EIF2AK2: variants seen among roughly 807,000 people sequenced by gnomAD.
EIF2AK2 encodes the protein eukaryotic translation initiation factor 2 alpha kinase 2.
In EIF2AK2, 40 loss-of-function variants were observed where a neutral mutation model predicts 70.5. That is an observed-to-expected ratio of 0.57 (90% CI 0.44 to 0.74). EIF2AK2 has a LOEUF of 0.74. Ranked by LOEUF, EIF2AK2 falls within the 30% of genes least tolerant of loss-of-function variation. The pLI is 0.00. For synonymous variants in EIF2AK2, 198 were observed against 220.9 expected (o/e 0.90, Z 0.92); for missense variants, 555 against 644.3 (o/e 0.86, Z 1.50).
intron 1 of EIF2AK2, among the ~76,000 whole-genome samples, chr2:37,149,565 A>AC (rs1675671845): frequency 9.5e-6 from 1 of 105,342 alleles, no homozygotes; most frequent in Non-Finnish European, 2.1e-5. Context: ...CACGGTTCCC[A>AC]TGGCACAAAT....
intron 4 of EIF2AK2, among the ~76,000 whole-genome samples, chr2:37,143,408 T>A (rs1000143525): frequency 1.3e-5 from 2 of 152,182 alleles, no homozygotes; most frequent in African/African-American, 4.8e-5. Flanking sequence ...ACCAGTCACA[T>A]GTATATTGGT....
chr2:37,127,068 A>G (rs1674766914), intron 10 of EIF2AK2, among the ~76,000 whole-genome samples: 2 of 150,886 alleles, frequency 1.3e-5, no homozygotes, highest in South Asian at 4.2e-4. Flanking sequence ...CTCCACAGCT[A>G]CTATCATCAA....
chr2:37,119,460 G>A (rs1313265277), intron 13 of EIF2AK2, among the ~76,000 whole-genome samples: 1 of 152,132 alleles, frequency 6.6e-6, no homozygotes, highest in Non-Finnish European at 1.5e-5. Flanking sequence ...GGGCAGAGCA[G>A]CCAGTTGGCT....
intron 10 of EIF2AK2, among the ~76,000 whole-genome samples, chr2:37,129,203 A>G (rs1233704057): frequency 6.6e-6 from 1 of 151,974 alleles, no homozygotes; most frequent in African/African-American, 2.4e-5. Context: ...AAAATACCAG[A>G]TGCTTGCCTC....
In EIF2AK2 at chr2:37,105,682, T is replaced by G. The variant is rs917549670; in HGVS notation, c.*1591A>C. 1 of 152,158 alleles carries G rather than the reference T, an allele frequency of 6.6e-6. No individual in the cohort carries two copies. Among genetic ancestry groups the G allele is most frequent in the Non-Finnish European group, 1.5e-5 (1 of 68,050 alleles). 9.4% of individuals were successfully genotyped at this position (152,158 alleles called of 1,614,324 possible). The stretch of plus-strand genomic sequence containing the variant: ...CCTAAGTTGAAATTCACCCTCAGGG[T>G]CGTCTTCTAAGATGCAATTTAAATT... On this transcript the variant is annotated 3_prime_UTR_variant, in exon 17 of 17. Coordinates refer to ENST00000233057, the MANE Select transcript of EIF2AK2 (RefSeq NM_001135651.3).
Position 37,138,657 on chromosome 2 carries a change from G to A in EIF2AK2, c.517-72C>T, listed in dbSNP as rs184148895. ...TTCTCTACAGAGGCTCAGTTTCTAT[G>A]TACTATCACATTTATTTCAACACAT... On this transcript the variant is annotated intron_variant, in intron 6 of 16. Transcript: ENST00000233057. The A allele has an allele frequency of 8.4e-5, 106 of 1,266,652 alleles. No individual in the cohort carries two copies. In the Admixed American group the frequency reaches 2.0e-3, roughly 23 times the overall value. 78.5% of individuals were successfully genotyped at this position (1,266,652 alleles called of 1,614,324 possible).
rs566725262 is a variant in EIF2AK2, at chr2:37,139,654, T to C, written c.493A>G (p.Ile165Val). The change falls in exon 6 of 17, where the codon ATA becomes GTA. Residue 165 changes from isoleucine (I) to valine (V), a missense_variant. Ile to Val is a conservative substitution (Grantham distance 29, BLOSUM62 3). Coordinates refer to ENST00000233057, the MANE Select transcript of EIF2AK2 (RefSeq NM_001135651.3). ...QLAAKLAYLQ[I>V]LSEETSVKSD... The stretch of plus-strand genomic sequence containing the variant: ...ACCACTGAGGTTTCTTCTGATAATA[T>C]CTGAAGATATGCAAGTTTAGCGGCC... 6.2e-7 allele frequency: 1 copy of C among 1,614,062 alleles called. No homozygotes were observed. The highest frequency in any genetic ancestry group is 1.1e-5 in the South Asian group (1 of 91,054).
rs77538939 is a variant in EIF2AK2 at position 37,129,778 on chromosome 2, T to C, written c.786-3367A>G. Among the ~76,000 whole-genome samples, 41 of 152,284 alleles carry C rather than the reference T, an allele frequency of 2.7e-4. 1 individual carries two copies. In the East Asian group the frequency reaches 5.4e-3, roughly 20 times the overall value. ...TGGTCATTCCTCATTCCCCCACTCC[T>C]TTACTAGGAAGGGACATCCTACACA... On this transcript the variant is annotated intron_variant, in intron 10 of 16. Transcript: ENST00000233057.
chr2:37,128,835 G>A (rs1299675554), intron 10 of EIF2AK2, among the ~76,000 whole-genome samples: 1 of 152,186 alleles, frequency 6.6e-6, no homozygotes, highest in African/African-American at 2.4e-5. Context: ...GGCATCAGGT[G>A]AAGAGACCAC....
rs1406179448 is a variant in EIF2AK2 at position 37,107,520 on chromosome 2, G to T, written c.1487C>A (p.Thr496Lys). 3 of 1,610,026 alleles carry T rather than the reference G, an allele frequency of 1.9e-6. No individual in the cohort carries two copies. The South Asian group carries it at 3.3e-5, about 18-fold the overall frequency. Residue 496 changes from threonine (T) to lysine (K), a missense_variant, in exon 16 of 17, where the codon ACA (threonine) becomes AAA (lysine). Transcript: ENST00000233057. ...DTAFETSKFF[T>K]DLRDGIISDI... ...TGAGATGATGCCATCCCGTAGGTCT[G>T]TGAAAAACTGGAAAAAAAAATGATA... is the stretch of plus-strand genomic sequence containing the variant.
intron 4 of EIF2AK2, 59 bp downstream of exon 4, chr2:37,146,794 G>C: frequency 6.3e-7 from 1 of 1,590,412 alleles, no homozygotes; most frequent in Non-Finnish European, 8.6e-7. Flanking sequence ...TTCTCACAGA[G>C]AGAAACAGAA....
chr2:37,124,338 T>C (rs1674659084), intron 11 of EIF2AK2, among the ~76,000 whole-genome samples: 1 of 152,052 alleles, frequency 6.6e-6, no homozygotes, highest in African/African-American at 2.4e-5. Flanking sequence ...CTTGGCTCAC[T>C]GCAACCTCCG....
At chr2:37,152,293 T>C (rs1013350621) in intron 1 of EIF2AK2, among the ~76,000 whole-genome samples, 5 of 152,102 alleles carry the variant, frequency 3.3e-5, no homozygotes, top group Non-Finnish European at 5.9e-5. Context: ...TTCTGTTTTT[T>C]GTTTTTGAGA....
intron 6 of EIF2AK2, among the ~76,000 whole-genome samples, chr2:37,138,975 T>C (rs1317170964): frequency 6.6e-6 from 1 of 151,454 alleles, no homozygotes; most frequent in Non-Finnish European, 1.5e-5. Context: ...TTTTTTTTTT[T>C]TTGTAGCGAC....
intron 1 of EIF2AK2, chr2:37,149,323 G>A (rs750518214): frequency 1.1e-6 from 1 of 890,654 alleles, no homozygotes. Context: ...ATCAAACTAT[G>A]GGGCCTTTAA....
intron 15 of EIF2AK2, among the ~76,000 whole-genome samples, chr2:37,108,140 CTATCTCA>C (rs920444475): frequency 6.8e-6 from 1 of 146,400 alleles, no homozygotes; most frequent in Non-Finnish European, 1.5e-5. Flanking sequence ...AAGTGAAACT[CTATCTCA>C]AAAAAAAAAA....
intron 8 of EIF2AK2, 109 bp downstream of exon 8, chr2:37,138,161 A>G (rs889523036): frequency 4.8e-6 from 4 of 831,006 alleles, no homozygotes; most frequent in Non-Finnish European, 7.4e-6. Flanking sequence ...GTAAGAGTGC[A>G]TAAGATAAAA....
intron 6 of EIF2AK2, 22 bp downstream of exon 6, chr2:37,139,609 T>G: frequency 5.0e-6 from 8 of 1,601,682 alleles, no homozygotes; most frequent in South Asian, 1.1e-5. Flanking sequence ...ACATAAAAAT[T>G]TAATCCAAAG....
chr2:37,138,612 G>A, intron 6 of EIF2AK2, 27 bp from the exon 7 acceptor site: 1 of 1,598,864 alleles, frequency 6.3e-7, no homozygotes, highest in South Asian at 1.1e-5. Context: ...CCCTTAGTAG[G>A]CTTAAATACA....
Sources: gnomAD v4.1 joint callset for allele counts (sites outside exome capture counted in the v4.1 genomes callset) on GRCh38, gnomAD v4.1.1 for gene constraint, MANE v1.5 for transcripts, NCBI Gene and HGNC (gene_info 2026-07-23, HGNC 2026-07-21) for gene names.